Variants in MYO5B observed in about 807,000 individuals in gnomAD.
The protein encoded by MYO5B is unconventional myosin-Vb.
A neutral mutation model predicts 229.3 loss-of-function variants in MYO5B; 143 were observed. That is an observed-to-expected ratio of 0.62 (90% CI 0.54 to 0.72). The LOEUF is 0.72. Among genes scored for constraint, MYO5B ranks in the 30% least tolerant of loss-of-function variants. The pLI is 0.00. For missense variants in MYO5B, 2,321 were observed against 2,331.0 expected (o/e 1.00, Z 0.09); for synonymous variants, 918 against 885.2 (o/e 1.04, Z -0.66).
Position 50,059,164 on chromosome 18 carries a change from G to A in MYO5B, c.28-3786C>T, listed in dbSNP as rs951647036. Reference sequence around the variant, plus strand: ...CTAGGATCTAGCACATCCTGGCACGGAACAGATGCTCACTAAATGTTCATG... The same window carrying A: ...CTAGGATCTAGCACATCCTGGCACGAAACAGATGCTCACTAAATGTTCATG... On this transcript the variant is annotated intron_variant, in intron 1 of 39. Coordinates refer to ENST00000285039, the MANE Select transcript of MYO5B (RefSeq NM_001080467.3). Among the ~76,000 whole-genome samples, 7 of 152,198 alleles carry A rather than the reference G, an allele frequency of 4.6e-5. No individual in the cohort carries two copies. In the South Asian group the frequency reaches 6.2e-4, roughly 13 times the overall value.
intron 9 of MYO5B, among the ~76,000 whole-genome samples, chr18:49,977,024 C>T (rs550204128): frequency 2.0e-5 from 3 of 152,282 alleles, no homozygotes; most frequent in Admixed American, 2.0e-4. Flanking sequence ...CCAAGACATG[C>T]CCACGGGCAC....
intron 5 of MYO5B, among the ~76,000 whole-genome samples, chr18:49,999,247 CTCAG>C (rs959301939): frequency 2.2e-4 from 33 of 152,328 alleles, no homozygotes; most frequent in South Asian, 1.0e-3. Flanking sequence ...AATCTTGAAA[CTCAG>C]TCAAAGGAGA....
At chr18:50,069,826 A>G (rs575582631) in intron 1 of MYO5B, among the ~76,000 whole-genome samples, 180 of 152,144 alleles carry the variant, frequency 1.2e-3, no homozygotes, top group Non-Finnish European at 2.0e-3. Flanking sequence ...TCCAAGCCCA[A>G]CCCAATATTC....
intron 1 of MYO5B, among the ~76,000 whole-genome samples, chr18:50,146,662 C>G (rs2032507538): frequency 6.6e-6 from 1 of 152,230 alleles, no homozygotes; most frequent in African/African-American, 2.4e-5. Context: ...TCTATACTTT[C>G]ATCAAGGGTT....
At chr18:49,914,893 G>C (rs558230675) in intron 17 of MYO5B, among the ~76,000 whole-genome samples, 1 of 152,272 alleles carries the variant, frequency 6.6e-6, no homozygotes, top group East Asian at 1.9e-4. Context: ...CCGTGCTCTG[G>C]AGCAGGTTCT....
At chr18:49,982,614 C>T (rs2025827762) in intron 8 of MYO5B, among the ~76,000 whole-genome samples, 1 of 152,166 alleles carries the variant, frequency 6.6e-6, no homozygotes, top group African/African-American at 2.4e-5. Flanking sequence ...CAGGGGTTGG[C>T]AAACTATGGC....
intron 1 of MYO5B, among the ~76,000 whole-genome samples, chr18:50,100,830 T>A (rs2031640368): frequency 6.6e-6 from 1 of 152,222 alleles, no homozygotes; most frequent in South Asian, 2.1e-4. Flanking sequence ...GACCCCTAGA[T>A]GCGGAAGTGG....
chr18:49,926,788 T>C (rs138292191), intron 17 of MYO5B, among the ~76,000 whole-genome samples: 49 of 152,324 alleles, frequency 3.2e-4, no homozygotes, highest in Non-Finnish European at 4.7e-4. Flanking sequence ...TATTGAGGAA[T>C]GAATGGATAA....
intron 1 of MYO5B, among the ~76,000 whole-genome samples, chr18:50,111,227 C>G (rs532155109): frequency 6.6e-6 from 1 of 152,218 alleles, no homozygotes; most frequent in Non-Finnish European, 1.5e-5. Flanking sequence ...GAGGCCAGCA[C>G]TGAGGGTTGC....
intron 9 of MYO5B, among the ~76,000 whole-genome samples, chr18:49,979,463 C>T (rs2025791205): frequency 6.6e-6 from 1 of 152,182 alleles, no homozygotes; most frequent in South Asian, 2.1e-4. Context: ...CTACTGAATC[C>T]CAGCTACAGT....
intron 27 of MYO5B, among the ~76,000 whole-genome samples, chr18:49,864,702 A>T (rs533090231): frequency 9.8e-5 from 15 of 152,372 alleles, no homozygotes; most frequent in African/African-American, 3.4e-4. Flanking sequence ...TCACAATTTT[A>T]AATGACATAT....
At chr18:49,859,871 C>G (rs542936203) in intron 29 of MYO5B, among the ~76,000 whole-genome samples, 2 of 152,158 alleles carry the variant, frequency 1.3e-5, no homozygotes, top group Non-Finnish European at 2.9e-5. Flanking sequence ...CCACAGCAGC[C>G]GAGGCTCAAG....
At chr18:49,992,009 A>ACTG (rs2025938931) in intron 6 of MYO5B, among the ~76,000 whole-genome samples, 1 of 152,232 alleles carries the variant, frequency 6.6e-6, no homozygotes. Context: ...CTTGTCCTTT[A>ACTG]CTGTATCTTT....
chr18:49,866,281 G>C (rs542494738), intron 27 of MYO5B, among the ~76,000 whole-genome samples: 1 of 151,914 alleles, frequency 6.6e-6, no homozygotes, highest in East Asian at 1.9e-4. Context: ...ATGTTAGTCA[G>C]GATGGTCTCG....
intron 9 of MYO5B, among the ~76,000 whole-genome samples, chr18:49,975,696 T>G (rs1220162255): frequency 6.6e-6 from 1 of 152,154 alleles, no homozygotes; most frequent in Non-Finnish European, 1.5e-5. Context: ...GGAAAGAAAC[T>G]GGAATTCCTC....
intron 16 of MYO5B, among the ~76,000 whole-genome samples, chr18:49,931,502 A>G (rs2025191424): frequency 6.6e-6 from 1 of 152,226 alleles, no homozygotes; most frequent in African/African-American, 2.4e-5. Flanking sequence ...CATTTCCTTC[A>G]GAAGACTTCA....
chr18:50,192,244 A>G (rs1356976388), intron 1 of MYO5B, among the ~76,000 whole-genome samples: 1 of 152,246 alleles, frequency 6.6e-6, no homozygotes, highest in East Asian at 1.9e-4. Context: ...TGCTGCACCC[A>G]GATCAACTGC....
intron 17 of MYO5B, among the ~76,000 whole-genome samples, chr18:49,918,465 CCT>C (rs2025040131): frequency 6.6e-6 from 1 of 152,148 alleles, no homozygotes; most frequent in African/African-American, 2.4e-5. Context: ...GTAAAGAATC[CCT>C]CAGAGCTCTT....
At chr18:50,037,842 T>A (rs1244659968) in intron 3 of MYO5B, among the ~76,000 whole-genome samples, 2 of 152,078 alleles carry the variant, frequency 1.3e-5, no homozygotes, top group African/African-American at 4.8e-5. Flanking sequence ...CAGTGAGCTA[T>A]GATGGCACCA....
Sources: allele counts gnomAD v4.1 joint callset (sites outside exome capture counted in the v4.1 genomes callset), GRCh38; gene constraint gnomAD v4.1.1; transcripts MANE v1.5; gene names NCBI Gene and HGNC (gene_info 2026-07-23, HGNC 2026-07-21).